ST8SIA1: variants seen among roughly 807,000 people sequenced by gnomAD.
The protein encoded by ST8SIA1 is ST8 alpha-N-acetyl-neuraminide alpha-2,8-sialyltransferase 1.
In ST8SIA1, 16 loss-of-function variants were observed where a neutral mutation model predicts 35.9. The ratio of observed to expected loss-of-function variants is 0.45; its 90% CI spans 0.30 to 0.68. The LOEUF is 0.68. Ranked by LOEUF, ST8SIA1 falls within the 30% of genes least tolerant of loss-of-function variation. The pLI, the probability that ST8SIA1 is intolerant of heterozygous loss-of-function variation, is 0.09. For missense variants in ST8SIA1, 383 were observed against 453.6 expected (o/e 0.84, Z 1.41); for synonymous variants, 170 against 169.6 (o/e 1.00, Z -0.02).
chr12:22,304,366 T>G (rs1866358490), intron 1 of ST8SIA1, among the ~76,000 whole-genome samples: 1 of 150,960 alleles, frequency 6.6e-6, no homozygotes, highest in African/African-American at 2.4e-5. Flanking sequence ...GAGCAAAAGT[T>G]TTTTTCTTCT....
rs1865013555 is a variant in ST8SIA1 at position 22,198,494 on chromosome 12, T to A, written c.*3058A>T. On this transcript the variant is annotated 3_prime_UTR_variant, in exon 5 of 5. Transcript: ENST00000396037. ...CCTTACTTAGGAACACATAGCACAG[T>A]TAAGGATAGAGATGCCTAACTTCAT... The A allele has an allele frequency of 6.9e-6, 1 of 144,332 alleles. No individual in the cohort carries two copies. Among genetic ancestry groups the A allele is most frequent in the Non-Finnish European group, 1.5e-5 (1 of 66,762 alleles). The allele number at this position is 144,332 out of a possible 1,614,324, so 8.9% of individuals were successfully genotyped here. A position where few individuals can be genotyped will look rare whatever the true frequency, so the allele number is the denominator to read the frequency against.
intron 1 of ST8SIA1, among the ~76,000 whole-genome samples, chr12:22,321,533 C>G (rs1434032500): frequency 1.3e-5 from 2 of 152,198 alleles, no homozygotes; most frequent in African/African-American, 4.8e-5. Flanking sequence ...AGAGCCTGAG[C>G]AGGCGGAGGT....
intron 2 of ST8SIA1, among the ~76,000 whole-genome samples, chr12:22,280,337 G>A (rs1285010303): frequency 6.6e-6 from 1 of 152,124 alleles, no homozygotes; most frequent in Non-Finnish European, 1.5e-5. Flanking sequence ...AGGTTCTCCT[G>A]CAGGGAAACA....
Position 22,334,131 on chromosome 12 carries a change from G to C in ST8SIA1, c.102C>G (p.Ala34=), listed in dbSNP as rs753736497. 1 of 1,614,104 alleles carries C rather than the reference G, an allele frequency of 6.2e-7. No homozygotes were observed. ...PRTRLPMGAS[A]LCVVVLCWLY... Reference sequence around the variant, plus strand: ...GCCAACAGAGGACCACGACACAGAGGGCACTGGCTCCCATGGGCAGCCGGG... The same window carrying C: ...GCCAACAGAGGACCACGACACAGAGCGCACTGGCTCCCATGGGCAGCCGGG... Residue 34 remains alanine, a synonymous_variant, in exon 1 of 5, where the codon GCC becomes GCG. Coordinates refer to ENST00000396037, the MANE Select transcript of ST8SIA1 (RefSeq NM_003034.4).
intron 1 of ST8SIA1, 42 bp downstream of exon 1, chr12:22,333,955 G>A (rs1294229304): frequency 6.3e-7 from 1 of 1,576,970 alleles, no homozygotes. Flanking sequence ...CACTCGGGGA[G>A]GAAAGGACGC....
At chr12:22,261,793 T>C (rs1190132308) in intron 2 of ST8SIA1, among the ~76,000 whole-genome samples, 2 of 152,188 alleles carry the variant, frequency 1.3e-5, no homozygotes, top group East Asian at 3.8e-4. Flanking sequence ...TTCCACAGTC[T>C]GCCTCACTCG....
intron 4 of ST8SIA1, among the ~76,000 whole-genome samples, chr12:22,207,506 A>C (rs1865125581): frequency 6.6e-6 from 1 of 152,182 alleles, no homozygotes; most frequent in Non-Finnish European, 1.5e-5. Context: ...TGAAAGGTAT[A>C]GATTTCTTGG....
intron 4 of ST8SIA1, among the ~76,000 whole-genome samples, chr12:22,202,401 G>A (rs955361514): frequency 6.6e-6 from 1 of 152,150 alleles, no homozygotes; most frequent in African/African-American, 2.4e-5. Context: ...AAGGTACTTA[G>A]GTGGTCTAAC....
At chr12:22,306,600 A>G (rs899391476) in intron 1 of ST8SIA1, among the ~76,000 whole-genome samples, 2 of 152,156 alleles carry the variant, frequency 1.3e-5, no homozygotes. Flanking sequence ...AGAAGTAACC[A>G]TTTTATTATA....
At position 22,194,190 on chromosome 12, in the gene ST8SIA1, TCTATAGTAAC is replaced by T. The variant is rs1864955837; in HGVS notation, c.*7352_*7361del. ...CTGTATATTAATTATAAGGGGAGTG[TCTATAGTAAC>T]CTATCAACACCCAACGGTGCTCAAG... On this transcript the variant is annotated 3_prime_UTR_variant, in exon 5 of 5. Coordinates refer to ENST00000396037, the MANE Select transcript of ST8SIA1 (RefSeq NM_003034.4). The T allele has an allele frequency of 6.6e-6, 1 of 152,122 alleles. No individual in the cohort carries two copies. The highest frequency in any genetic ancestry group is 2.4e-5 in the African/African-American group (1 of 41,428). The allele number at this position is 152,122 out of a possible 1,614,324, so 9.4% of individuals were successfully genotyped here.
chr12:22,225,380 T>A (rs1408937180), intron 4 of ST8SIA1, among the ~76,000 whole-genome samples: 1 of 152,090 alleles, frequency 6.6e-6, no homozygotes, highest in Non-Finnish European at 1.5e-5. Flanking sequence ...AGTAGCTGGA[T>A]CCTAGTAGGC....
rs112851181 is a variant in ST8SIA1 at position 22,290,200 on chromosome 12, C to G, written c.237-2907G>C. Reference sequence around the variant, plus strand: ...CTGTCATAAACTCTTAAACTTTTCCCTTCATCCAGATCTCCACATCTTCCC... The same window carrying G: ...CTGTCATAAACTCTTAAACTTTTCCGTTCATCCAGATCTCCACATCTTCCC... On this transcript the variant is annotated intron_variant, in intron 1 of 4. Transcript: ENST00000396037. Among the ~76,000 whole-genome samples the G allele has an allele frequency of 5.1e-4, 77 of 152,188 alleles. 2 individuals are homozygous for G. Among genetic ancestry groups the G allele is most frequent in the African/African-American group, 1.8e-3 (75 of 41,518 alleles).
chr12:22,202,742 T>C, intron 4 of ST8SIA1, among the ~76,000 whole-genome samples: 1 of 152,238 alleles, frequency 6.6e-6, no homozygotes, highest in Middle Eastern at 3.4e-3. Flanking sequence ...GGAATACAGA[T>C]GAAAAAAATA....
At chr12:22,230,318 AG>A (rs1865404767) in intron 4 of ST8SIA1, among the ~76,000 whole-genome samples, 1 of 152,164 alleles carries the variant, frequency 6.6e-6, no homozygotes, top group Non-Finnish European at 1.5e-5. Flanking sequence ...AAGAGCCTCT[AG>A]TCTTAGAGCA....
chr12:22,264,808 G>T (rs1250086119), intron 2 of ST8SIA1, among the ~76,000 whole-genome samples: 3 of 152,148 alleles, frequency 2.0e-5, no homozygotes, highest in African/African-American at 7.2e-5. Flanking sequence ...CCAGAAAGCT[G>T]CTAAGATTTG....
chr12:22,195,137 C>G lies in ST8SIA1; in HGVS notation c.*6415G>C, dbSNP rs1034225642. The G allele has an allele frequency of 7.2e-6, 1 of 139,452 alleles. No homozygotes were observed. The highest frequency in any genetic ancestry group is 1.5e-5 in the Non-Finnish European group (1 of 66,454). 8.6% of individuals were successfully genotyped at this position (139,452 alleles called of 1,614,324 possible). On this transcript the variant is annotated 3_prime_UTR_variant, in exon 5 of 5. Transcript: ENST00000396037. ...GGCGGAGGTTGCGGTGAGCCGAGAT[C>G]ACGCCATTGCACTCCAGCCTGGGCA...
intron 2 of ST8SIA1, among the ~76,000 whole-genome samples, chr12:22,278,845 C>A (rs1390947871): frequency 6.6e-6 from 1 of 152,274 alleles, no homozygotes; most frequent in East Asian, 1.9e-4. Flanking sequence ...GTCTTACCCT[C>A]AAAAAGCACT....
In ST8SIA1 at chr12:22,300,097, T is replaced by G. The variant is rs187411221; in HGVS notation, c.237-12804A>C. ...TAAAAGAATTATTTTTTAATTAAGG[T>G]TATTACATCTGTGTATCTTTATGTG... is the stretch of plus-strand genomic sequence containing the variant. On this transcript the variant is annotated intron_variant, in intron 1 of 4. Transcript: ENST00000396037. Among the ~76,000 whole-genome samples, 9 of 152,260 alleles carry G rather than the reference T, an allele frequency of 5.9e-5. No homozygotes were observed. The East Asian group carries it at 1.7e-3, about 29-fold the overall frequency.
intron 2 of ST8SIA1, among the ~76,000 whole-genome samples, chr12:22,276,128 G>C (rs990506573): frequency 6.6e-6 from 1 of 152,174 alleles, no homozygotes; most frequent in African/African-American, 2.4e-5. Flanking sequence ...GACTGGGCTT[G>C]TCACTGGGAA....
Sources: allele counts gnomAD v4.1 joint callset (sites outside exome capture counted in the v4.1 genomes callset), GRCh38; gene constraint gnomAD v4.1.1; transcripts MANE v1.5; gene names NCBI Gene and HGNC (gene_info 2026-07-23, HGNC 2026-07-21).